ALKBH4: variants seen among roughly 807,000 people sequenced by gnomAD.
ALKBH4 encodes alkB homolog 4, lysine demethylase.
Under a neutral mutation model 12.1 loss-of-function variants are expected in ALKBH4, and 8 were observed. The ratio of observed to expected loss-of-function variants is 0.66; its 90% CI spans 0.39 to 1.19. The LOEUF is 1.19. Ranked by LOEUF, ALKBH4 falls within the 50% of genes most tolerant of loss-of-function variation. The pLI is 0.01. For synonymous variants in ALKBH4, 195 were observed against 191.6 expected (o/e 1.02, Z -0.15); for missense variants, 403 against 430.4 (o/e 0.94, Z 0.56).
At chr7:102,458,994 G>C (rs1375228011) in intron 2 of ALKBH4, among the ~76,000 whole-genome samples, 1 of 151,832 alleles carries the variant, frequency 6.6e-6, no homozygotes, top group African/African-American at 2.4e-5. Context: ...AACAGTACAA[G>C]AATTAGCTGG....
At chr7:102,459,876 A>G (rs1471733127) in intron 1 of ALKBH4, 75 bp from the exon 2 acceptor site, 5 of 1,399,748 alleles carry the variant, frequency 3.6e-6, no homozygotes, top group Admixed American at 4.8e-5. Context: ...AAAACAGGCC[A>G]GGTGCGGTGG....
At chr7:102,459,018 C>T (rs1464619093) in intron 2 of ALKBH4, among the ~76,000 whole-genome samples, 1 of 151,848 alleles carries the variant, frequency 6.6e-6, no homozygotes, top group Non-Finnish European at 1.5e-5. Flanking sequence ...TGGTGGTGGG[C>T]ACCTGTAGTC....
At position 102,459,826 on chromosome 7, in the gene ALKBH4, G is replaced by GGCTGGGCAACACA. The variant is rs746044602; in HGVS notation, c.124-38_124-26dup. ...TCTGCAAAAGAAACACAAGTCCACA[G>GGCTGGGCAACACA]GCTGGGCAACACAGCGAGACCCGGT... On this transcript the variant is annotated intron_variant, in intron 1 of 2. Transcript: ENST00000292566. The GGCTGGGCAACACA allele has an allele frequency of 1.9e-6, 3 of 1,567,744 alleles. No homozygotes were observed. The East Asian group carries it at 6.8e-5, about 35-fold the overall frequency.
intron 2 of ALKBH4, among the ~76,000 whole-genome samples, chr7:102,459,233 C>T (rs986263756): frequency 4.0e-5 from 6 of 149,044 alleles, no homozygotes; most frequent in Non-Finnish European, 7.4e-5. Context: ...TTGGAGGGAG[C>T]GGCGGGCCCG....
intron 2 of ALKBH4, among the ~76,000 whole-genome samples, chr7:102,458,743 A>C (rs1290179164): frequency 6.6e-6 from 1 of 151,638 alleles, no homozygotes; most frequent in African/African-American, 2.4e-5. Flanking sequence ...TCTCAAAAAA[A>C]AAAAAAAAAC....
intron 1 of ALKBH4, among the ~76,000 whole-genome samples, chr7:102,461,196 G>A (rs113357412): frequency 0.011 from 1,618 of 152,092 alleles, 36 homozygotes; most frequent in African/African-American, 0.037. Context: ...AACTAGCCGG[G>A]CGTCGTGGTG....
chr7:102,461,729 C>T (rs1797801190), intron 1 of ALKBH4, among the ~76,000 whole-genome samples: 1 of 152,202 alleles, frequency 6.6e-6, no homozygotes, highest in Non-Finnish European at 1.5e-5. Context: ...TGGCACTGAA[C>T]ATTTTACATG....
Position 102,457,581 on chromosome 7 carries a change from AG to A in ALKBH4, c.721del (p.Leu241CysfsTer71). On this transcript the variant is annotated frameshift_variant, in exon 3 of 3. Transcript: ENST00000292566. LOFTEE classifies it high-confidence loss of function. This position sits in a 1 kb window ranked among gnomAD's most constrained non-coding sequence, Gnocchi z 5.9. The stretch of plus-strand genomic sequence containing the variant: ...CCGTGCCGCCCCGGTGAGGACCAGC[AG>A]GGAGCGGGCGGGTAAGGGGATGGCC... ...EVAIPLPARS[L>X]LVLTGAARHQ... 6.2e-7 allele frequency: 1 copy of A among 1,607,762 alleles called. No homozygotes were observed. The highest frequency in any genetic ancestry group is 8.5e-7 in the Non-Finnish European group (1 of 1,179,538).
chr7:102,462,072 G>T (rs890603877), intron 1 of ALKBH4, among the ~76,000 whole-genome samples: 4 of 152,224 alleles, frequency 2.6e-5, no homozygotes, highest in African/African-American at 9.7e-5. Flanking sequence ...CCCTCCCACG[G>T]GAAACATTAA....
At chr7:102,463,887 C>A (rs1797865164) in intron 1 of ALKBH4, among the ~76,000 whole-genome samples, 1 of 152,246 alleles carries the variant, frequency 6.6e-6, no homozygotes, top group Non-Finnish European at 1.5e-5. Flanking sequence ...AGCCTCCACA[C>A]CTTCATATCT....
At chr7:102,463,950 C>T (rs1393119389) in intron 1 of ALKBH4, among the ~76,000 whole-genome samples, 2 of 152,158 alleles carry the variant, frequency 1.3e-5, no homozygotes, top group Non-Finnish European at 2.9e-5. Flanking sequence ...TTCATCACTC[C>T]TTTAAAACCC....
Position 102,457,631 on chromosome 7 carries a change from C to T in ALKBH4, c.672G>A (p.Ser224=), listed in dbSNP as rs544316269. The T allele has an allele frequency of 1.6e-5, 25 of 1,586,728 alleles. No individual in the cohort carries two copies. The highest frequency in any genetic ancestry group is 9.0e-5 in the South Asian group (8 of 89,312). Residue 224 remains serine, a synonymous_variant, in exon 3 of 3, where the codon TCG becomes TCA. Transcript: ENST00000292566. The surrounding 1 kb of genome is among the most constrained non-coding windows in gnomAD (Gnocchi z 5.9). Reference sequence around the variant, plus strand: ...CCACCTCCACCTCCTGGCATAGCACCGACCGGCTGGGTGCTATCACGCTGT... The same window carrying T: ...CCACCTCCACCTCCTGGCATAGCACTGACCGGCTGGGTGCTATCACGCTGT... ...LVDSVIAPSR[S]VLCQEVEVAI...
intron 1 of ALKBH4, among the ~76,000 whole-genome samples, chr7:102,460,411 C>G (rs1445003047): frequency 6.6e-6 from 1 of 151,922 alleles, no homozygotes; most frequent in Non-Finnish European, 1.5e-5. Context: ...AGGAGACCCT[C>G]TGATGGCTCA....
In ALKBH4 at chr7:102,457,903, C is replaced by T; in HGVS notation, c.400G>A (p.Glu134Lys). 6.2e-7 allele frequency: 1 copy of T among 1,613,396 alleles called. No homozygotes were observed. The highest frequency in any genetic ancestry group is 8.5e-7 in the Non-Finnish European group (1 of 1,179,996). Residue 134 changes from glutamate (E) to lysine (K), a missense_variant, in exon 3 of 3, where the codon GAG becomes AAG. Physicochemically the swap from Glu to Lys is moderately conservative, Grantham distance 56. Transcript: ENST00000292566. This position sits in a 1 kb window ranked among gnomAD's most constrained non-coding sequence, Gnocchi z 5.9. Reference sequence around the variant, plus strand: ...TAGAGGCCCATCCTCCGCACCACCTCCCGGCTGAAGCTGGGGAGGCCGCAG... The same window carrying T: ...TAGAGGCCCATCCTCCGCACCACCTTCCGGCTGAAGCTGGGGAGGCCGCAG... ...GFCGLPSFSR[E>K]VVRRMGLYPG...
At chr7:102,464,024 T>C (rs1206874669) in intron 1 of ALKBH4, among the ~76,000 whole-genome samples, 2 of 150,614 alleles carry the variant, frequency 1.3e-5, no homozygotes, top group South Asian at 2.1e-4. Flanking sequence ...CCGGGGAGCA[T>C]CTGTGATCAG....
intron 1 of ALKBH4, 34 bp downstream of exon 1, chr7:102,464,680 C>T (rs1029121281): frequency 2.0e-6 from 3 of 1,493,874 alleles, no homozygotes; most frequent in Middle Eastern, 1.8e-4. Context: ...TGCAGAGCGA[C>T]GTTTGTGGGC....
In ALKBH4 at chr7:102,459,808, A is replaced by G; in HGVS notation, c.124-7T>C. The G allele has an allele frequency of 6.3e-7, 1 of 1,583,172 alleles. No individual in the cohort carries two copies. Among genetic ancestry groups the G allele is most frequent in the Non-Finnish European group, 8.6e-7 (1 of 1,163,586 alleles). On this transcript the variant is annotated splice_region_variant and splice_polypyrimidine_tract_variant and intron_variant, in intron 1 of 2. Transcript: ENST00000292566. ...AAATGAAACGGTATGTTTTCTGCAA[A>G]AGAAACACAAGTCCACAGGCTGGGC...
chr7:102,460,651 G>A (rs1797773673), intron 1 of ALKBH4, among the ~76,000 whole-genome samples: 1 of 152,188 alleles, frequency 6.6e-6, no homozygotes, highest in African/African-American at 2.4e-5. Context: ...CCAGCCCGAG[G>A]CTGGACAGCA....
rs886683212 is a variant in ALKBH4, at chr7:102,457,374, T to C, written c.*20A>G. The C allele has an allele frequency of 6.9e-6, 11 of 1,594,844 alleles. No homozygotes were observed. The highest frequency in any genetic ancestry group is 9.4e-6 in the Non-Finnish European group (11 of 1,167,190). ...CATTTCAATCCCGGGATCAGTCAAG[T>C]CTGGAGCCAAGGAGGCGGTTCACAC... On this transcript the variant is annotated 3_prime_UTR_variant, in exon 3 of 3. Coordinates refer to ENST00000292566, the MANE Select transcript of ALKBH4 (RefSeq NM_017621.4). The surrounding 1 kb of genome is among the most constrained non-coding windows in gnomAD (Gnocchi z 5.9).
Sources: gnomAD v4.1 joint callset for allele counts (sites outside exome capture counted in the v4.1 genomes callset) on GRCh38, gnomAD v4.1.1 for gene constraint, Gnocchi (gnomAD v3.1) non-coding constraint, MANE v1.5 for transcripts, NCBI Gene and HGNC (gene_info 2026-07-23, HGNC 2026-07-21) for gene names.